The following GALNT17 variants were observed in gnomAD, a reference collection of about 807,000 sequenced individuals.
GALNT17 encodes UDP-GalNAc:polypeptide N-acetylgalactosaminyltransferase-like 3.
Under a neutral mutation model 63.7 loss-of-function variants are expected in GALNT17, and 29 were observed. That is an observed-to-expected ratio of 0.46 (90% CI 0.34 to 0.62). The LOEUF (loss-of-function observed/expected upper bound fraction) is 0.62. GALNT17 is among the 20% of genes least tolerant of loss of function. The pLI is 0.01. For synonymous variants in GALNT17, 305 were observed against 318.3 expected (o/e 0.96, Z 0.45); for missense variants, 603 against 799.6 (o/e 0.75, Z 2.97).
At chr7:71,305,808 C>T (rs1377061054) in intron 1 of GALNT17, among the ~76,000 whole-genome samples, 1 of 152,158 alleles carries the variant, frequency 6.6e-6, no homozygotes, top group Non-Finnish European at 1.5e-5. Flanking sequence ...CCTTAGAAGA[C>T]TCTTCCTCTG....
rs556029342 is a variant in GALNT17 at position 71,190,771 on chromosome 7, A to G, written c.238+57731A>G. 9.2e-5 allele frequency among the ~76,000 whole-genome samples: 14 copies of G among 152,040 alleles called. No individual in the cohort carries two copies. In the South Asian group the frequency reaches 2.3e-3, roughly 25 times the overall value. On this transcript the variant is annotated intron_variant, in intron 1 of 10. Transcript: ENST00000333538. ...CTCAGCCTACCGAGTATCAGGGACT[A>G]CAGGTGTGCACCACCATGCCCACCT...
chr7:71,401,940 T>C (rs60964959), intron 3 of GALNT17, among the ~76,000 whole-genome samples: 6,090 of 152,244 alleles, frequency 0.04, 204 homozygotes, highest in East Asian at 0.11. Flanking sequence ...CATGGAAAAA[T>C]GGTCTTCCAC....
At chr7:71,409,214 GGGATTCTGGAATGTCAGCTCAGTT>G (rs1323058250) in intron 3 of GALNT17, among the ~76,000 whole-genome samples, 1 of 152,056 alleles carries the variant, frequency 6.6e-6, no homozygotes, top group Non-Finnish European at 1.5e-5. Context: ...GGGCAACACT[GGGATTCTGGAATGTCAGCTCAGTT>G]GGAGTAAGCT....
intron 6 of GALNT17, among the ~76,000 whole-genome samples, chr7:71,577,350 C>A (rs779926833): frequency 6.6e-6 from 1 of 152,084 alleles, no homozygotes; most frequent in Non-Finnish European, 1.5e-5. Flanking sequence ...GCCTATGTAT[C>A]CCCTGAAACT....
chr7:71,455,241 A>C (rs1425016391), intron 5 of GALNT17, among the ~76,000 whole-genome samples: 1 of 151,658 alleles, frequency 6.6e-6, no homozygotes, highest in Non-Finnish European at 1.5e-5. Context: ...GCAGTCAGAC[A>C]GTTGGCTGAA....
chr7:71,246,434 T>C (rs1790099221), intron 1 of GALNT17, among the ~76,000 whole-genome samples: 1 of 151,848 alleles, frequency 6.6e-6, no homozygotes, highest in Admixed American at 6.6e-5. Context: ...CTCATTGCTT[T>C]TAATATTAAG....
At chr7:71,153,864 T>A (rs907203131) in intron 1 of GALNT17, among the ~76,000 whole-genome samples, 2 of 151,866 alleles carry the variant, frequency 1.3e-5, no homozygotes, top group African/African-American at 2.4e-5. Flanking sequence ...ACCAAGATGG[T>A]GCCACTGCAT....
intron 5 of GALNT17, among the ~76,000 whole-genome samples, chr7:71,558,104 C>T (rs773743653): frequency 1.3e-5 from 2 of 150,866 alleles, no homozygotes; most frequent in African/African-American, 2.5e-5. Context: ...ACACAATCAC[C>T]TTTCTGCCAG....
At chr7:71,677,762 G>A (rs1318726372) in intron 9 of GALNT17, among the ~76,000 whole-genome samples, 1 of 151,968 alleles carries the variant, frequency 6.6e-6, no homozygotes, top group Admixed American at 6.6e-5. Flanking sequence ...TGATCCGCCC[G>A]CCTCGGCCTC....
intron 2 of GALNT17, among the ~76,000 whole-genome samples, chr7:71,362,075 G>A (rs1200467412): frequency 1.3e-5 from 2 of 152,112 alleles, no homozygotes; most frequent in Non-Finnish European, 2.9e-5. Context: ...TCCTGCCTCA[G>A]CCTCCCGAGT....
chr7:71,243,725 G>C (rs1790044904), intron 1 of GALNT17, among the ~76,000 whole-genome samples: 1 of 152,054 alleles, frequency 6.6e-6, no homozygotes, highest in Non-Finnish European at 1.5e-5. Flanking sequence ...CTTCGATCTT[G>C]TTCTTATTTT....
chr7:71,630,184 A>G (rs1218097827), intron 6 of GALNT17, among the ~76,000 whole-genome samples: 1 of 147,186 alleles, frequency 6.8e-6, no homozygotes, highest in African/African-American at 2.5e-5. Context: ...CTGGGATTAT[A>G]GGTGTGAGCC....
intron 9 of GALNT17, among the ~76,000 whole-genome samples, chr7:71,693,668 T>C (rs969954092): frequency 6.6e-6 from 1 of 150,382 alleles, no homozygotes; most frequent in African/African-American, 2.4e-5. Context: ...TGGAGGGTGG[T>C]AGGAGGGAGG....
intron 5 of GALNT17, among the ~76,000 whole-genome samples, chr7:71,445,545 C>T (rs910803758): frequency 2.6e-5 from 4 of 151,790 alleles, no homozygotes; most frequent in African/African-American, 9.7e-5. Context: ...TCAGGTTCAT[C>T]TCTAAGTTGC....
chr7:71,501,552 A>G lies in GALNT17; in HGVS notation c.963-69733A>G, dbSNP rs531109396. 5.9e-4 allele frequency among the ~76,000 whole-genome samples: 90 copies of G among 152,266 alleles called. 2 individuals carry two copies. In the South Asian group the frequency reaches 0.018, roughly 31 times the overall value. ...CAAAGTGGTGGGATGAGAGGTGTGC[A>G]CCATCATGGCTTCCCTCCTCTGTCT... On this transcript the variant is annotated intron_variant, in intron 5 of 10. Transcript: ENST00000333538.
chr7:71,643,171 T>A (rs1408374153), intron 6 of GALNT17, among the ~76,000 whole-genome samples: 1 of 149,290 alleles, frequency 6.7e-6, no homozygotes, highest in African/African-American at 2.5e-5. Flanking sequence ...TTCAGAACTA[T>A]CAAAACCCAG....
intron 4 of GALNT17, among the ~76,000 whole-genome samples, chr7:71,417,306 C>T (rs547348886): frequency 5.3e-5 from 8 of 152,274 alleles, no homozygotes; most frequent in African/African-American, 1.7e-4. Context: ...CATGTGACCA[C>T]GTAAGAAACC....
At chr7:71,618,776 T>A (rs7803344) in intron 6 of GALNT17, among the ~76,000 whole-genome samples, 12 of 152,326 alleles carry the variant, frequency 7.9e-5, no homozygotes, top group African/African-American at 2.9e-4. Context: ...TTTGCTCTGT[T>A]GATAGTTTCT....
intron 1 of GALNT17, among the ~76,000 whole-genome samples, chr7:71,276,309 A>G (rs1438635655): frequency 6.6e-6 from 1 of 152,148 alleles, no homozygotes; most frequent in Non-Finnish European, 1.5e-5. Flanking sequence ...TAATCCCACT[A>G]CTGGATATTC....
Sources: allele counts gnomAD v4.1 joint callset (sites outside exome capture counted in the v4.1 genomes callset), GRCh38; gene constraint gnomAD v4.1.1; transcripts MANE v1.5; gene names NCBI Gene and HGNC (gene_info 2026-07-23, HGNC 2026-07-21).